The following MAP3K15 variants were observed in gnomAD, a reference collection of about 807,000 sequenced individuals.
MAP3K15 encodes MAPK/ERK kinase kinase 15.
Under a neutral mutation model 99.5 loss-of-function variants are expected in MAP3K15, and 124 were observed. That is an observed-to-expected ratio of 1.25 (90% CI 1.08 to 1.45). The LOEUF is 1.45. MAP3K15 is among the 40% of genes most tolerant of loss of function. The pLI is 0.00. For missense variants in MAP3K15, 1,242 were observed against 1,079.7 expected (o/e 1.15, Z -2.11); for synonymous variants, 494 against 439.6 (o/e 1.12, Z -1.55).
chrX:19,362,266 C>T (rs1489935124), intron 26 of MAP3K15, among the ~76,000 whole-genome samples: 3 of 93,038 alleles, frequency 3.2e-5, no homozygotes, highest in African/African-American at 1.3e-4. Context: ...CAGGGTTTCA[C>T]TGTCACTCAG....
intron 9 of MAP3K15, among the ~76,000 whole-genome samples, chrX:19,423,357 C>G (rs2063802949): frequency 1.1e-5 from 1 of 94,913 alleles, no homozygotes; most frequent in Non-Finnish European, 2.1e-5. Context: ...CTGGCAATCA[C>G]TAGTCAAACT....
intron 1 of MAP3K15, among the ~76,000 whole-genome samples, chrX:19,505,789 C>T (rs901133426): frequency 1.9e-5 from 2 of 106,577 alleles, no homozygotes; most frequent in African/African-American, 3.4e-5. Context: ...TCTTGTCACC[C>T]GGGCTTGAGT....
In MAP3K15 at chrX:19,374,612, C is replaced by T; in HGVS notation, c.2638G>A (p.Glu880Lys). ...HPEIPEALSA[E>K]ARAFILSCFE... ...CAGGATAAAATGAAGGCTCGGGCTT[C>T]AGCTGAAAGGGCTTCTGGAATCTCA... The change falls in exon 20 of 29, where the codon GAA (glutamate) becomes AAA (lysine). Residue 880 changes from glutamate (E) to lysine (K), a missense_variant. Coordinates refer to ENST00000338883, the MANE Select transcript of MAP3K15 (RefSeq NM_001001671.4). The T allele has an allele frequency of 8.3e-7, 1 of 1,211,509 alleles. No homozygotes were observed. Among genetic ancestry groups the T allele is most frequent in the Non-Finnish European group, 1.1e-6 (1 of 895,396 alleles).
intron 21 of MAP3K15, 33 bp downstream of exon 21, chrX:19,373,503 G>T: frequency 8.6e-7 from 1 of 1,162,725 alleles, no homozygotes; most frequent in Non-Finnish European, 1.2e-6. Context: ...CACCCTTTCG[G>T]GCCCGCGGCA....
chrX:19,489,749 T>C (rs980875162), intron 1 of MAP3K15, among the ~76,000 whole-genome samples: 1 of 110,834 alleles, frequency 9.0e-6, no homozygotes, highest in African/African-American at 3.3e-5. Flanking sequence ...GAGAAATAAA[T>C]TTCTGGCTGG....
intron 9 of MAP3K15, among the ~76,000 whole-genome samples, chrX:19,421,908 T>C (rs1436488997): frequency 9.1e-6 from 1 of 109,485 alleles, no homozygotes; most frequent in Non-Finnish European, 1.9e-5. Context: ...GTGACAAACC[T>C]GACAAAAACA....
intron 3 of MAP3K15, among the ~76,000 whole-genome samples, chrX:19,466,484 C>T (rs2064170374): frequency 9.0e-6 from 1 of 111,525 alleles, no homozygotes; most frequent in African/African-American, 3.3e-5. Context: ...CTAGGCACTT[C>T]TCCTTCCTGC....
At chrX:19,485,627 G>A (rs763245341) in intron 3 of MAP3K15, among the ~76,000 whole-genome samples, 1 of 111,057 alleles carries the variant, frequency 9.0e-6, no homozygotes, top group Admixed American at 9.6e-5. Flanking sequence ...TGCAGAGGGC[G>A]CCCAGGGGAA....
chrX:19,397,996 A>G (rs5955768), intron 15 of MAP3K15, among the ~76,000 whole-genome samples: 22,294 of 105,322 alleles, frequency 0.21, 5,010 homozygotes, highest in African/African-American at 0.66. Flanking sequence ...CCTGGGAGGC[A>G]GAGGTTGCAG....
chrX:19,456,808 G>A (rs1192654251), intron 6 of MAP3K15, 105 bp downstream of exon 6: 1 of 525,381 alleles, frequency 1.9e-6, no homozygotes, highest in African/African-American at 2.3e-5. Context: ...CATAACCTTG[G>A]CATTTAGCAC....
At chrX:19,429,812 GAGAGAGAGA>G (rs1569222618) in intron 7 of MAP3K15, among the ~76,000 whole-genome samples, 37 of 92,971 alleles carry the variant, frequency 4.0e-4, no homozygotes, top group African/African-American at 1.7e-3. Flanking sequence ...GAGAGAGAGA[GAGAGAGAGA>G]GGAAGCAGTT....
chrX:19,489,436 C>T (rs2064351672), intron 1 of MAP3K15, among the ~76,000 whole-genome samples: 1 of 110,905 alleles, frequency 9.0e-6, no homozygotes, highest in African/African-American at 3.3e-5. Flanking sequence ...GTCAGTTCCA[C>T]GCACGTGTGT....
chrX:19,365,099 G>A (rs1289843107), intron 25 of MAP3K15, among the ~76,000 whole-genome samples: 5 of 108,576 alleles, frequency 4.6e-5, no homozygotes, highest in African/African-American at 1.3e-4. Flanking sequence ...AGCTACTCGG[G>A]AGGGGAGACT....
At chrX:19,373,456 G>A (rs2063392840) in intron 21 of MAP3K15, 80 bp downstream of exon 21, 6 of 1,097,926 alleles carry the variant, frequency 5.5e-6, no homozygotes, top group African/African-American at 5.4e-5. Context: ...CCATCTGGTT[G>A]GGACCAGGGA....
At chrX:19,493,042 G>T (rs765631172) in intron 1 of MAP3K15, among the ~76,000 whole-genome samples, 1 of 110,641 alleles carries the variant, frequency 9.0e-6, no homozygotes, top group South Asian at 3.9e-4. Context: ...TAATTCCAAG[G>T]CCATGGTGAC....
At chrX:19,464,565 C>T (rs1011941820) in intron 3 of MAP3K15, among the ~76,000 whole-genome samples, 159 bp from the exon 4 acceptor site, 2 of 111,218 alleles carry the variant, frequency 1.8e-5, no homozygotes, top group African/African-American at 3.3e-5. Context: ...AACAGGAAAC[C>T]GCTCGATTTC....
intron 3 of MAP3K15, among the ~76,000 whole-genome samples, chrX:19,483,257 CAAA>C (rs57191935): frequency 3.8e-5 from 2 of 52,646 alleles, no homozygotes; most frequent in Admixed American, 2.5e-4. Flanking sequence ...GACTCCATCT[CAAA>C]AAAAAAAAAA....
chrX:19,390,452 C>T (rs1275526489), intron 18 of MAP3K15, among the ~76,000 whole-genome samples: 2 of 102,416 alleles, frequency 2.0e-5, no homozygotes, highest in African/African-American at 3.5e-5. Context: ...GGACCATAGG[C>T]GCACACCACC....
chrX:19,424,452 C>T (rs1323738456), intron 9 of MAP3K15, among the ~76,000 whole-genome samples: 1 of 109,990 alleles, frequency 9.1e-6, no homozygotes. Flanking sequence ...CTGGGCCTTT[C>T]CCTACAAGTC....
Sources: allele counts gnomAD v4.1 joint callset (sites outside exome capture counted in the v4.1 genomes callset), GRCh38; gene constraint gnomAD v4.1.1; transcripts MANE v1.5; gene names NCBI Gene and HGNC (gene_info 2026-07-23, HGNC 2026-07-21).